The following PRAMEF12 variants were observed in gnomAD, a reference collection of about 807,000 sequenced individuals.
PRAMEF12 encodes the protein PRAME family member 12.
A neutral mutation model predicts 24.6 loss-of-function variants in PRAMEF12; 24 were observed. The observed-to-expected ratio is 0.98, with a 90% CI of 0.71 to 1.37. The LOEUF is 1.37. Among genes scored for constraint, PRAMEF12 ranks in the 40% most tolerant of loss-of-function variants. PRAMEF12 has a pLI of 0.00. For synonymous variants in PRAMEF12, 286 were observed against 242.6 expected (o/e 1.18, Z -1.66); for missense variants, 646 against 580.3 (o/e 1.11, Z -1.16).
In PRAMEF12 at chr1:12,774,939, C is replaced by T. The variant is rs765294432; in HGVS notation, c.72C>T (p.Ala24=). 7.4e-6 allele frequency: 12 copies of T among 1,614,100 alleles called. No individual in the cohort carries two copies. In the South Asian group the frequency reaches 1.1e-4, roughly 15 times the overall value. The change falls in exon 1 of 3, where the codon GCC becomes GCT. Residue 24 remains alanine (A), a synonymous_variant. Transcript: ENST00000357726. ...GTCTGCTGAGAGACCGGGCCTTGGC[C>T]ATCCCCACCCTGGAGGAGCTGCCCA... ...EQSLLRDRAL[A]IPTLEELPRE...
intron 2 of PRAMEF12, 99 bp from the exon 3 acceptor site, chr1:12,776,912 C>T (rs1639058464): frequency 3.2e-6 from 4 of 1,258,652 alleles, no homozygotes; most frequent in South Asian, 2.8e-5. Context: ...GCTGATTATC[C>T]TCAGATAAGC....
Position 12,777,255 on chromosome 1 carries a change from C to T in PRAMEF12, c.1108C>T (p.Pro370Ser), listed in dbSNP as rs1275241515. ...IVDSQLSAIL[P>S]ALSRCSQLST... ...GGATTCCCAACTCAGCGCCATCCTG[C>T]CTGCCCTGAGCCGCTGCTCCCAGCT... The change falls in exon 3 of 3, where the codon CCT becomes TCT. Residue 370 changes from proline to serine, a missense_variant. Physicochemically the swap from Pro to Ser is moderately conservative, Grantham distance 74 (BLOSUM62 -1). Transcript: ENST00000357726. 2.5e-6 allele frequency: 4 copies of T among 1,612,382 alleles called. No homozygotes were observed. Among genetic ancestry groups the T allele is most frequent in the Admixed American group, 3.3e-5 (2 of 59,996 alleles).
chr1:12,777,444 G>C lies in PRAMEF12; in HGVS notation c.1297G>C (p.Gly433Arg), dbSNP rs1274860462. 5.6e-6 allele frequency: 9 copies of C among 1,613,920 alleles called. No individual in the cohort carries two copies. The African/African-American group carries it at 1.1e-4, about 19-fold the overall frequency. ...CTGCTGGGGAAGATTTTCTCAACTT[G>C]GGGCTGAGCTGATGAAGACACTGAG... is the stretch of plus-strand genomic sequence containing the variant. ...ALCWGRFSQL[G>R]AELMKTLRDL... The change falls in exon 3 of 3, where the codon GGG (glycine) becomes CGG (arginine). Residue 433 changes from glycine (G) to arginine (R), a missense_variant. Transcript: ENST00000357726.
At position 12,777,305 on chromosome 1, in the gene PRAMEF12, C is replaced by A. The variant is rs753532864; in HGVS notation, c.1158C>A (p.Asn386Lys). 5 of 1,612,800 alleles carry A rather than the reference C, an allele frequency of 3.1e-6. No homozygotes were observed. Among genetic ancestry groups the A allele is most frequent in the Non-Finnish European group, 3.4e-6 (4 of 1,179,874 alleles). ...SQLSTFSFCGNLISMAALENL... is the reference protein window; with the variant it reads ...SQLSTFSFCGKLISMAALENL... ...TCAGCACCTTCAGCTTCTGTGGGAA[C>A]CTCATCTCCATGGCCGCCCTGGAGA... Residue 386 changes from asparagine (N) to lysine (K), a missense_variant, in exon 3 of 3, where the codon AAC becomes AAA. Coordinates refer to ENST00000357726, the MANE Select transcript of PRAMEF12 (RefSeq NM_001080830.5).
chr1:12,776,812 C>A (rs1455880176), intron 2 of PRAMEF12, among the ~76,000 whole-genome samples, 199 bp from the exon 3 acceptor site: 1 of 152,136 alleles, frequency 6.6e-6, no homozygotes, highest in Non-Finnish European at 1.5e-5. Flanking sequence ...AGTTCATGGA[C>A]TTGACCCAGT....
At position 12,774,903 on chromosome 1, in the gene PRAMEF12, G is replaced by A. The variant is rs1639024427; in HGVS notation, c.36G>A (p.Leu12=). 6.2e-7 allele frequency: 1 copy of A among 1,613,078 alleles called. No homozygotes were observed. The highest frequency in any genetic ancestry group is 1.3e-5 in the African/African-American group (1 of 74,880). The change falls in exon 1 of 3, where the codon CTG becomes CTA. Residue 12 remains leucine, a synonymous_variant. Coordinates refer to ENST00000357726, the MANE Select transcript of PRAMEF12 (RefSeq NM_001080830.5). ...SLQAPPRLLE[L]AEQSLLRDRA... ...AGGCCCCACCTAGACTCCTGGAGCT[G>A]GCTGAGCAGAGTCTGCTGAGAGACC...
rs1639078887 is a variant in PRAMEF12 at position 12,777,711 on chromosome 1, G to C, written c.*112G>C. ...TCAATGTGAACCGGAAAGGAAAGGG[G>C]ATGCAGGAAGGGAGGGACTGGGGGA... On this transcript the variant is annotated 3_prime_UTR_variant, in exon 3 of 3. Coordinates refer to ENST00000357726, the MANE Select transcript of PRAMEF12 (RefSeq NM_001080830.5). 3.1e-6 allele frequency: 4 copies of C among 1,288,094 alleles called. No individual in the cohort carries two copies. The Admixed American group carries it at 9.3e-5, about 30-fold the overall frequency. 79.8% of individuals were successfully genotyped at this position (1,288,094 alleles called of 1,614,324 possible). A position where few individuals can be genotyped will look rare whatever the true frequency, so the allele number is the denominator to read the frequency against.
chr1:12,777,226 T>C lies in PRAMEF12; in HGVS notation c.1079T>C (p.Ile360Thr). ...ACCCTGGACTTAGAGGACTGTGGGA[T>C]CGTGGATTCCCAACTCAGCGCCATC... ...LQTLDLEDCG[I>T]VDSQLSAILP... Residue 360 changes from isoleucine (I) to threonine (T), a missense_variant, in exon 3 of 3, where the codon ATC becomes ACC. Coordinates refer to ENST00000357726, the MANE Select transcript of PRAMEF12 (RefSeq NM_001080830.5). 2 of 1,612,654 alleles carry C rather than the reference T, an allele frequency of 1.2e-6. No individual in the cohort carries two copies. The highest frequency in any genetic ancestry group is 2.2e-5 in the East Asian group (1 of 44,872).
intron 1 of PRAMEF12, 63 bp downstream of exon 1, chr1:12,775,217 CAGA>C (rs1324581585): frequency 1.3e-6 from 2 of 1,528,284 alleles, no homozygotes; most frequent in African/African-American, 1.4e-5. Context: ...TTAGCTGGGT[CAGA>C]AGGAGTGGGA....
intron 2 of PRAMEF12, among the ~76,000 whole-genome samples, chr1:12,776,506 G>T (rs1043048567): frequency 6.6e-6 from 1 of 152,108 alleles, no homozygotes. Flanking sequence ...AAAATATAAG[G>T]TCTGTCCTCA....
rs1176002063 is a variant in PRAMEF12, at chr1:12,773,972, T to C, written c.-896T>C. Among the ~76,000 whole-genome samples the C allele has an allele frequency of 6.6e-6, 1 of 152,264 alleles. No individual in the cohort carries two copies. Among genetic ancestry groups the C allele is most frequent in the East Asian group, 1.9e-4 (1 of 5,202 alleles). ...TTGATTTTTCCTCTAAATGTAGTTTTGTCTTCATCCCCCAAAATTGGATTT... is the reference window on the plus strand; with the variant it reads ...TTGATTTTTCCTCTAAATGTAGTTTCGTCTTCATCCCCCAAAATTGGATTT... On this transcript the variant is annotated 5_prime_UTR_variant, in exon 1 of 3. Transcript: ENST00000357726.
Position 12,775,874 on chromosome 1 carries a change from G to A in PRAMEF12, c.619G>A (p.Glu207Lys). Residue 207 changes from glutamate to lysine, a missense_variant, in exon 2 of 3, where the codon GAG (glutamate) becomes AAG (lysine). Transcript: ENST00000357726. ...LNTVELDCIQEVEVCCPWELS... is the reference protein window; with the variant it reads ...LNTVELDCIQKVEVCCPWELS... ...CACGGTGGAGCTAGACTGTATCCAG[G>A]AGGTGGAAGTGTGCTGCCCGTGGGA... 3 of 1,614,062 alleles carry A rather than the reference G, an allele frequency of 1.9e-6. No individual in the cohort carries two copies. The highest frequency in any genetic ancestry group is 2.5e-6 in the Non-Finnish European group (3 of 1,180,004).
rs1259485651 is a variant in PRAMEF12 at position 12,776,931 on chromosome 1, C to T, written c.864-80C>T. 16 of 1,422,940 alleles carry T rather than the reference C, an allele frequency of 1.1e-5. No homozygotes were observed. The African/African-American group carries it at 1.3e-4, about 11-fold the overall frequency. 88.1% of individuals were successfully genotyped at this position (1,422,940 alleles called of 1,614,324 possible). A position where few individuals can be genotyped will look rare whatever the true frequency, so the allele number is the denominator to read the frequency against. ...ATTATCCTCAGATAAGCAGAACAGC[C>T]TTGGGTTGTGAAAAGTGTCATCTCT... On this transcript the variant is annotated intron_variant, in intron 2 of 2. Coordinates refer to ENST00000357726, the MANE Select transcript of PRAMEF12 (RefSeq NM_001080830.5).
At chr1:12,775,520 C>G (rs200414635) in intron 1 of PRAMEF12, 23 bp from the exon 2 acceptor site, 18 of 1,577,658 alleles carry the variant, frequency 1.1e-5, no homozygotes, top group Admixed American at 5.6e-5. Context: ...AAATTTGGAG[C>G]CTCTCTTCTC....
At chr1:12,776,984 C>T (rs960288642) in intron 2 of PRAMEF12, 27 bp from the exon 3 acceptor site, 1 of 1,598,626 alleles carries the variant, frequency 6.3e-7, no homozygotes, top group African/African-American at 1.3e-5. Flanking sequence ...CACCACTCTC[C>T]TCTAACTCCT....
rs848577 is a variant in PRAMEF12 at position 12,777,697 on chromosome 1, C to G, written c.*98C>G. The G allele has an allele frequency of 0.22, 315,401 of 1,402,146 alleles. 41,052 individuals carry two copies. Among genetic ancestry groups the G allele is most frequent in the African/African-American group, 0.58 (40,531 of 70,032 alleles). 86.9% of individuals were successfully genotyped at this position (1,402,146 alleles called of 1,614,324 possible). A position where few individuals can be genotyped will look rare whatever the true frequency, so the allele number is the denominator to read the frequency against. Reference sequence around the variant, plus strand: ...TTTCATATGCCTGCTCAATGTGAACCGGAAAGGAAAGGGGATGCAGGAAGG... The same window carrying G: ...TTTCATATGCCTGCTCAATGTGAACGGGAAAGGAAAGGGGATGCAGGAAGG... On this transcript the variant is annotated 3_prime_UTR_variant, in exon 3 of 3. Transcript: ENST00000357726.
rs745478747 is a variant in PRAMEF12 at position 12,777,167 on chromosome 1, A to G, written c.1020A>G (p.Ser340=). The G allele has an allele frequency of 1.2e-6, 2 of 1,613,712 alleles. No homozygotes were observed. Among genetic ancestry groups the G allele is most frequent in the Admixed American group, 3.3e-5 (2 of 60,022 alleles). ...CCCATTTCAGTCCTGAGCCCCTCTC[A>G]GTTCTGCTGGAGCAAGCTGAGGCCA... is the stretch of plus-strand genomic sequence containing the variant. ...TLTHFSPEPL[S]VLLEQAEATL... Residue 340 remains serine (S), a synonymous_variant, in exon 3 of 3, where the codon TCA becomes TCG. Transcript: ENST00000357726.
rs745768855 is a variant in PRAMEF12, at chr1:12,777,589, G to A, written c.1442G>A (p.Gly481Glu). The A allele has an allele frequency of 1.2e-6, 2 of 1,614,150 alleles. No homozygotes were observed. Among genetic ancestry groups the A allele is most frequent in the South Asian group, 2.2e-5 (2 of 91,082 alleles). The part of the protein sequence containing the change: ...HCLLNACCQG[G>E]FI ...CTGTTGAATGCCTGCTGTCAGGGTGGATTTATTTAAAGCTTTCTTCTGGTC... is the reference window on the plus strand; with the variant it reads ...CTGTTGAATGCCTGCTGTCAGGGTGAATTTATTTAAAGCTTTCTTCTGGTC... Residue 481 changes from glycine to glutamate, a missense_variant, in exon 3 of 3, where the codon GGA (glycine) becomes GAA (glutamate). By Grantham distance (98) the Gly-to-Glu change is moderately conservative (BLOSUM62 -2). Coordinates refer to ENST00000357726, the MANE Select transcript of PRAMEF12 (RefSeq NM_001080830.5).
At chr1:12,776,313 G>A (rs773054791) in intron 2 of PRAMEF12, among the ~76,000 whole-genome samples, 195 bp downstream of exon 2, 10 of 152,044 alleles carry the variant, frequency 6.6e-5, no homozygotes, top group Non-Finnish European at 1.3e-4. Context: ...ATAAGCCAGC[G>A]GGATCTCCTG....
Sources: allele counts gnomAD v4.1 joint callset (sites outside exome capture counted in the v4.1 genomes callset), GRCh38; gene constraint gnomAD v4.1.1; transcripts MANE v1.5; gene names NCBI Gene and HGNC (gene_info 2026-07-23, HGNC 2026-07-21).